VPS41: variants seen among roughly 807,000 people sequenced by gnomAD.
VPS41 encodes vacuolar protein sorting-associated protein 41 homolog.
In VPS41, 85 loss-of-function variants were observed where a neutral mutation model predicts 130.9. The observed-to-expected ratio is 0.65, with a 90% CI of 0.55 to 0.78. VPS41 has a LOEUF of 0.78. Ranked by LOEUF, VPS41 falls within the 30% of genes least tolerant of loss-of-function variation. VPS41 has a pLI of 0.00. For synonymous variants in VPS41, 335 were observed against 332.9 expected (o/e 1.01, Z -0.07); for missense variants, 874 against 1,018.7 (o/e 0.86, Z 1.93).
intron 17 of VPS41, among the ~76,000 whole-genome samples, chr7:38,762,255 G>A (rs1783937042): frequency 6.6e-6 from 1 of 152,140 alleles, no homozygotes; most frequent in Non-Finnish European, 1.5e-5. Flanking sequence ...CTAATTAGAG[G>A]ACACAGGAAC....
At chr7:38,737,107 G>A (rs1046266336) in intron 25 of VPS41, among the ~76,000 whole-genome samples, 108 of 152,298 alleles carry the variant, frequency 7.1e-4, no homozygotes, top group Non-Finnish European at 7.6e-4. Flanking sequence ...CAGGCGCGGT[G>A]GCTCACACCT....
chr7:38,854,831 C>A (rs1785943728), intron 4 of VPS41, among the ~76,000 whole-genome samples: 1 of 133,990 alleles, frequency 7.5e-6, no homozygotes. Flanking sequence ...GACAAAAGTA[C>A]CGTACGTTCA....
chr7:38,737,583 C>A (rs960035228), intron 25 of VPS41, among the ~76,000 whole-genome samples: 3 of 152,160 alleles, frequency 2.0e-5, no homozygotes, highest in African/African-American at 7.2e-5. Context: ...GCAAATCATG[C>A]AACATCTTCT....
chr7:38,866,432 A>T (rs938700485), intron 3 of VPS41, among the ~76,000 whole-genome samples: 10 of 152,232 alleles, frequency 6.6e-5, no homozygotes, highest in Admixed American at 6.5e-4. Flanking sequence ...AAGAGTAGTA[A>T]GAAAATCACC....
intron 7 of VPS41, among the ~76,000 whole-genome samples, chr7:38,813,071 A>G (rs1054712270): frequency 6.6e-6 from 1 of 152,198 alleles, no homozygotes; most frequent in Non-Finnish European, 1.5e-5. Flanking sequence ...CTGTACAAAA[A>G]TGTTCATAGC....
At chr7:38,745,135 A>C (rs529035750) in intron 23 of VPS41, among the ~76,000 whole-genome samples, 1 of 152,244 alleles carries the variant, frequency 6.6e-6, no homozygotes, top group African/African-American at 2.4e-5. Flanking sequence ...TATATTAAAA[A>C]GCTCTCCTCC....
chr7:38,890,232 T>A (rs1332971627), intron 2 of VPS41, among the ~76,000 whole-genome samples: 1 of 152,182 alleles, frequency 6.6e-6, no homozygotes, highest in Non-Finnish European at 1.5e-5. Flanking sequence ...GTGAGTGGTC[T>A]GCCTACAACT....
chr7:38,781,650 T>A (rs1277206425), intron 10 of VPS41, among the ~76,000 whole-genome samples: 2 of 152,222 alleles, frequency 1.3e-5, no homozygotes, highest in African/African-American at 4.8e-5. Context: ...TTGTTCTTAT[T>A]GCTTTGTGAT....
chr7:38,730,288 G>T (rs1795637024), intron 25 of VPS41, among the ~76,000 whole-genome samples: 1 of 152,166 alleles, frequency 6.6e-6, no homozygotes, highest in African/African-American at 2.4e-5. Flanking sequence ...AAAAGTAAGG[G>T]AGCAGCCAAC....
At chr7:38,766,986 G>A (rs1159918866) in intron 15 of VPS41, among the ~76,000 whole-genome samples, 1 of 152,184 alleles carries the variant, frequency 6.6e-6, no homozygotes, top group Non-Finnish European at 1.5e-5. Flanking sequence ...AAAAGATTCA[G>A]ATACCCTAAG....
chr7:38,776,653 T>C, intron 11 of VPS41, 26 bp downstream of exon 11: 2 of 1,375,022 alleles, frequency 1.5e-6, no homozygotes, highest in Non-Finnish European at 1.0e-6. Context: ...CCCACATGCC[T>C]TTGTATCTGG....
rs1795467850 is a variant in VPS41 at position 38,722,974 on chromosome 7, CATATTTT to C, written c.*3265_*3271del. On this transcript the variant is annotated 3_prime_UTR_variant, in exon 29 of 29. Coordinates refer to ENST00000310301, the MANE Select transcript of VPS41 (RefSeq NM_014396.4). ...TGGTGACATAAATAGACCATTAACA[CATATTTT>C]ATATTTTATTTATATTATATGCTAT... 1 of 152,038 alleles carries C rather than the reference CATATTTT, an allele frequency of 6.6e-6. No individual in the cohort carries two copies. 9.4% of individuals were successfully genotyped at this position (152,038 alleles called of 1,614,324 possible). A position where few individuals can be genotyped will look rare whatever the true frequency, so the allele number is the denominator to read the frequency against.
intron 3 of VPS41, 147 bp from the exon 4 acceptor site, chr7:38,862,769 T>C: frequency 1.7e-6 from 1 of 594,012 alleles, no homozygotes. Context: ...AGAAGGCTTG[T>C]TTCCAGCTTC....
At chr7:38,862,094 A>G (rs921047545) in intron 4 of VPS41, among the ~76,000 whole-genome samples, 6 of 152,226 alleles carry the variant, frequency 3.9e-5, no homozygotes, top group African/African-American at 1.4e-4. Flanking sequence ...TAAGGATTCC[A>G]CAAACTTCCA....
chr7:38,759,364 A>G (rs1783868096), intron 17 of VPS41, among the ~76,000 whole-genome samples: 1 of 152,240 alleles, frequency 6.6e-6, no homozygotes, highest in Admixed American at 6.5e-5. Context: ...TTGTGAGAGT[A>G]TAGCATGAGA....
intron 21 of VPS41, among the ~76,000 whole-genome samples, chr7:38,752,956 G>C (rs1196970345): frequency 2.0e-5 from 3 of 152,092 alleles, no homozygotes; most frequent in African/African-American, 7.2e-5. Flanking sequence ...CAAGAAGAAT[G>C]CAGGTGTTCT....
At chr7:38,901,271 G>C (rs1241941938) in intron 1 of VPS41, among the ~76,000 whole-genome samples, 2 of 152,192 alleles carry the variant, frequency 1.3e-5, no homozygotes, top group African/African-American at 4.8e-5. Context: ...AAGTTCTAGA[G>C]AGGCAGAGTG....
intron 1 of VPS41, 21 bp downstream of exon 1, chr7:38,909,133 A>G: frequency 6.2e-7 from 1 of 1,614,054 alleles, no homozygotes; most frequent in South Asian, 1.1e-5. Flanking sequence ...TGTGCCCTCA[A>G]CTACCACCTG....
intron 7 of VPS41, among the ~76,000 whole-genome samples, chr7:38,814,325 A>T (rs914124611): frequency 1.3e-5 from 2 of 152,228 alleles, no homozygotes; most frequent in African/African-American, 4.8e-5. Context: ...GCAGCAGAAA[A>T]GCAATTATTA....
Sources: gnomAD v4.1 joint callset for allele counts (sites outside exome capture counted in the v4.1 genomes callset) on GRCh38, gnomAD v4.1.1 for gene constraint, MANE v1.5 for transcripts, NCBI Gene and HGNC (gene_info 2026-07-23, HGNC 2026-07-21) for gene names.